The following NIPSNAP2 variants were observed in gnomAD, a reference collection of about 807,000 sequenced individuals.
NIPSNAP2 encodes nipsnap homolog 2, also known as protein NipSnap homolog 2.
Under a neutral mutation model 48.4 loss-of-function variants are expected in NIPSNAP2, and 42 were observed. That is an observed-to-expected ratio of 0.87 (90% CI 0.68 to 1.12). The LOEUF (loss-of-function observed/expected upper bound fraction) is 1.12. Among genes scored for constraint, NIPSNAP2 ranks in the 50% most tolerant of loss-of-function variants. NIPSNAP2 has a pLI of 0.00. For missense variants in NIPSNAP2, 314 were observed against 347.3 expected, an observed-to-expected ratio of 0.90 and a Z score of 0.76; for synonymous variants, 158 against 126.6, an observed-to-expected ratio of 1.25 and a Z score of -1.67.
intron 1 of NIPSNAP2, among the ~76,000 whole-genome samples, chr7:55,969,727 T>C (rs1474493022): frequency 1.3e-5 from 2 of 152,138 alleles, no homozygotes; most frequent in African/African-American, 4.8e-5. Flanking sequence ...CTCACGCCTG[T>C]AATCCCAGAA....
chr7:55,993,376 G>A (rs1250882806), intron 7 of NIPSNAP2, among the ~76,000 whole-genome samples: 4 of 150,168 alleles, frequency 2.7e-5, no homozygotes, highest in African/African-American at 4.9e-5. Flanking sequence ...GGGGCAGATC[G>A]AGACCAGCCT....
intron 3 of NIPSNAP2, chr7:55,980,241 C>T (rs1398265324): frequency 5.6e-6 from 1 of 177,266 alleles, no homozygotes; most frequent in Non-Finnish European, 1.2e-5. Context: ...AAATGCTACT[C>T]TTCCAAAAGT....
At chr7:55,975,828 A>G (rs1787096961) in intron 1 of NIPSNAP2, among the ~76,000 whole-genome samples, 2 of 152,232 alleles carry the variant, frequency 1.3e-5, no homozygotes, top group African/African-American at 4.8e-5. Context: ...ACTTGAGGTC[A>G]GGGGTTGAAG....
intron 1 of NIPSNAP2, among the ~76,000 whole-genome samples, chr7:55,968,586 C>T (rs1000303189): frequency 2.0e-4 from 30 of 152,058 alleles, no homozygotes; most frequent in African/African-American, 7.2e-4. Context: ...TGGGGTTTCA[C>T]CATTTGGCCA....
At chr7:55,985,561 A>AC (rs922109244) in intron 7 of NIPSNAP2, among the ~76,000 whole-genome samples, 12 of 151,818 alleles carry the variant, frequency 7.9e-5, no homozygotes, top group South Asian at 2.1e-4. Flanking sequence ...ACATAGTAAG[A>AC]CCCCCAACCT....
chr7:55,969,869 G>A (rs1467838681), intron 1 of NIPSNAP2, among the ~76,000 whole-genome samples: 2 of 151,462 alleles, frequency 1.3e-5, no homozygotes, highest in African/African-American at 4.9e-5. Flanking sequence ...TGTAGTCCCA[G>A]CTACTCAGGA....
At chr7:55,984,406 G>A (rs1446236308) in intron 6 of NIPSNAP2, among the ~76,000 whole-genome samples, 1 of 152,036 alleles carries the variant, frequency 6.6e-6, no homozygotes, top group Non-Finnish European at 1.5e-5. Context: ...GTGAGACCCT[G>A]TCTCTATTAA....
At chr7:55,981,933 AGTAGCT>A in intron 4 of NIPSNAP2, 1 of 320,352 alleles carries the variant, frequency 3.1e-6, no homozygotes, top group South Asian at 5.2e-5. Flanking sequence ...TAGCCTCCCA[AGTAGCT>A]GGAAATACAG....
intron 7 of NIPSNAP2, among the ~76,000 whole-genome samples, chr7:55,992,959 G>A (rs1396400307): frequency 6.6e-6 from 1 of 152,054 alleles, no homozygotes; most frequent in Non-Finnish European, 1.5e-5. Context: ...TAGGAATTCA[G>A]ATGCATCACT....
intron 1 of NIPSNAP2, among the ~76,000 whole-genome samples, chr7:55,966,176 A>G (rs970085640): frequency 1.3e-5 from 2 of 152,196 alleles, no homozygotes; most frequent in African/African-American, 2.4e-5. Context: ...GGAAACGCAA[A>G]CAGACAGTTG....
chr7:55,965,301 TTA>T (rs1380568837), intron 1 of NIPSNAP2: 10 of 151,936 alleles, frequency 6.6e-5, no homozygotes, highest in African/African-American at 2.4e-4. Context: ...GTACTTAGAG[TTA>T]TCAGCACTAA....
chr7:55,991,762 A>AT (rs72379655), intron 7 of NIPSNAP2: 2,715 of 167,044 alleles, frequency 0.016, 26 homozygotes, highest in East Asian at 0.042. Context: ...AAAAAAAAAA[A>AT]AAAATATATA....
chr7:55,993,306 G>C (rs1787487227), intron 7 of NIPSNAP2, among the ~76,000 whole-genome samples: 1 of 150,124 alleles, frequency 6.7e-6, no homozygotes, highest in Non-Finnish European at 1.5e-5. Flanking sequence ...AAAAAAAAAA[G>C]GGCTGTAGGC....
chr7:55,965,122 C>T (rs1786864802), intron 1 of NIPSNAP2: 1 of 152,562 alleles, frequency 6.6e-6, no homozygotes, highest in Admixed American at 6.5e-5. Flanking sequence ...CTGCGTCTGC[C>T]GAGGACGTTG....
chr7:55,987,500 C>T (rs1168054195), intron 7 of NIPSNAP2, among the ~76,000 whole-genome samples: 1 of 152,046 alleles, frequency 6.6e-6, no homozygotes, highest in Non-Finnish European at 1.5e-5. Flanking sequence ...TGGTAGCGTG[C>T]ACCTGTAGCC....
chr7:55,997,367 T>A lies in NIPSNAP2; in HGVS notation c.714T>A (p.Ala238=). 6.2e-7 allele frequency: 1 copy of A among 1,612,502 alleles called. No homozygotes were observed. Among genetic ancestry groups the A allele is most frequent in the Non-Finnish European group, 8.5e-7 (1 of 1,178,602 alleles). Reference sequence around the variant, plus strand: ...CTTCTCTGTGTGGTTATTTTTAAGCTTACAGGGATCTTCAGACCAGGGAAG... The same window carrying A: ...CTTCTCTGTGTGGTTATTTTTAAGCATACAGGGATCTTCAGACCAGGGAAG... The part of the protein sequence containing the change: ...GQLYMVHHLW[A]YRDLQTREDI... Residue 238 remains alanine (A), a splice_region_variant and synonymous_variant, in exon 9 of 10, where the codon GCT becomes GCA. Coordinates refer to ENST00000322090, the MANE Select transcript of NIPSNAP2 (RefSeq NM_001483.3).
At chr7:55,973,548 C>T (rs186557971) in intron 1 of NIPSNAP2, among the ~76,000 whole-genome samples, 49 of 152,042 alleles carry the variant, frequency 3.2e-4, no homozygotes, top group Admixed American at 1.4e-3. Flanking sequence ...CGACTTGGCT[C>T]ACTGCAATCT....
chr7:55,994,936 C>T lies in NIPSNAP2; in HGVS notation c.660C>T (p.Val220=), dbSNP rs764317304. 9.9e-6 allele frequency: 16 copies of T among 1,614,044 alleles called. No homozygotes were observed. The highest frequency in any genetic ancestry group is 7.7e-5 in the South Asian group (7 of 91,086). The change falls in exon 8 of 10, where the codon GTC becomes GTT. Residue 220 remains valine, a synonymous_variant. Transcript: ENST00000322090. ...IRFRQDGNEA[V]GGFFSQIGQL... is the part of the protein sequence containing the mutation. ...TCAGACAGGATGGTAACGAAGCCGT[C>T]GGAGGATTCTTCTCTCAGATTGGGC... is the stretch of plus-strand genomic sequence containing the variant.
intron 7 of NIPSNAP2, among the ~76,000 whole-genome samples, chr7:55,991,607 G>C (rs190422719): frequency 6.6e-6 from 1 of 151,960 alleles, no homozygotes; most frequent in Non-Finnish European, 1.5e-5. Context: ...AATTAGCCAA[G>C]TGTGGTGGTG....
Sources: gnomAD v4.1 joint callset for allele counts (sites outside exome capture counted in the v4.1 genomes callset) on GRCh38, gnomAD v4.1.1 for gene constraint, MANE v1.5 for transcripts, NCBI Gene and HGNC (gene_info 2026-07-23, HGNC 2026-07-21) for gene names.